EPHA6: variants seen among roughly 807,000 people sequenced by gnomAD.
EPHA6 encodes EPH receptor A6.
EPHA6 carries 50 observed loss-of-function variants against 112.0 expected under a neutral mutation model. The observed-to-expected ratio is 0.45, with a 90% CI of 0.36 to 0.56. The LOEUF is 0.56. Among genes scored for constraint, EPHA6 ranks in the 20% least tolerant of loss-of-function variants. The pLI, the probability that EPHA6 is intolerant of heterozygous loss-of-function variation, is 0.00. For synonymous variants in EPHA6, 529 were observed against 490.7 expected (o/e 1.08, Z -1.03); for missense variants, 1,280 against 1,417.4 (o/e 0.90, Z 1.56).
At chr3:97,040,983 T>C in intron 3 of EPHA6, among the ~76,000 whole-genome samples, 1 of 152,222 alleles carries the variant, frequency 6.6e-6, no homozygotes, top group East Asian at 1.9e-4. Context: ...TTTCATTTAT[T>C]TTCTTCCTCC....
intron 7 of EPHA6, among the ~76,000 whole-genome samples, chr3:97,462,148 C>T (rs1402262991): frequency 6.6e-6 from 1 of 152,104 alleles, no homozygotes; most frequent in Non-Finnish European, 1.5e-5. Context: ...AGTTAATTAG[C>T]CTTTTTGTGC....
chr3:97,586,112 A>G (rs1041462568), intron 11 of EPHA6, among the ~76,000 whole-genome samples: 1 of 152,108 alleles, frequency 6.6e-6, no homozygotes, highest in Non-Finnish European at 1.5e-5. Context: ...GTCACTTTTC[A>G]TTTGATCATT....
intron 7 of EPHA6, among the ~76,000 whole-genome samples, chr3:97,453,305 T>A (rs902106607): frequency 3.3e-5 from 5 of 151,688 alleles, no homozygotes; most frequent in Non-Finnish European, 7.4e-5. Flanking sequence ...ATTGGCAATT[T>A]ACCTCTTCCA....
chr3:97,578,284 T>C (rs2093406190), intron 11 of EPHA6, among the ~76,000 whole-genome samples: 1 of 152,060 alleles, frequency 6.6e-6, no homozygotes, highest in Non-Finnish European at 1.5e-5. Flanking sequence ...CCCAAGATCC[T>C]TCGACATACT....
chr3:97,389,391 A>G (rs572733158), intron 5 of EPHA6, among the ~76,000 whole-genome samples: 3 of 152,272 alleles, frequency 2.0e-5, no homozygotes, highest in African/African-American at 4.8e-5. Context: ...TCATTTTTCA[A>G]TAACTCCCTT....
chr3:97,610,320 G>T (rs939849863), intron 12 of EPHA6, among the ~76,000 whole-genome samples: 6 of 151,584 alleles, frequency 4.0e-5, no homozygotes, highest in Non-Finnish European at 7.4e-5. Context: ...GAGAATTTAT[G>T]AGTTTCTCCT....
rs2080994727 is a variant in EPHA6, at chr3:97,299,198, T to C, written c.1606+54911T>C. ...GATGATCAGGATGTGTGTGTGTGTG[T>C]GTGTGTGTGTGTGTAGGGGGGAGTG... On this transcript the variant is annotated intron_variant, in intron 5 of 17. Transcript: ENST00000389672. 2.0e-5 allele frequency among the ~76,000 whole-genome samples: 3 copies of C among 150,818 alleles called. No individual in the cohort carries two copies. In the South Asian group the frequency reaches 6.3e-4, roughly 32 times the overall value.
At chr3:97,711,108 A>G (rs1417008079) in intron 14 of EPHA6, among the ~76,000 whole-genome samples, 2 of 152,090 alleles carry the variant, frequency 1.3e-5, no homozygotes, top group Non-Finnish European at 2.9e-5. Context: ...TCGTGGGAGT[A>G]AGTCTTTCCC....
intron 14 of EPHA6, among the ~76,000 whole-genome samples, chr3:97,682,373 G>A (rs1560262157): frequency 6.6e-6 from 1 of 152,076 alleles, no homozygotes; most frequent in Non-Finnish European, 1.5e-5. Context: ...TGATTTAAAT[G>A]AAGTAAATAA....
chr3:97,517,092 G>T (rs1238474787), intron 10 of EPHA6, among the ~76,000 whole-genome samples: 1 of 152,120 alleles, frequency 6.6e-6, no homozygotes, highest in Non-Finnish European at 1.5e-5. Context: ...ATCGGCGGAA[G>T]TGTTGAAATG....
At chr3:97,228,562 A>T (rs1388979156) in intron 4 of EPHA6, among the ~76,000 whole-genome samples, 1 of 150,200 alleles carries the variant, frequency 6.7e-6, no homozygotes, top group Non-Finnish European at 1.5e-5. Flanking sequence ...TATATAATGT[A>T]AATGTCATAT....
chr3:97,523,639 ATACTAT>A (rs1259187880), intron 10 of EPHA6, among the ~76,000 whole-genome samples: 3 of 152,132 alleles, frequency 2.0e-5, no homozygotes, highest in Admixed American at 6.6e-5. Context: ...TTACTGTATT[ATACTAT>A]TACTATTACT....
chr3:96,815,115 T>A, intron 1 of EPHA6, 107 bp downstream of exon 1: 1 of 1,126,998 alleles, frequency 8.9e-7, no homozygotes, highest in Non-Finnish European at 1.2e-6. Flanking sequence ...GGTCAGAGTC[T>A]CCTGGCTCGC....
At chr3:97,703,425 C>T (rs1009085920) in intron 14 of EPHA6, among the ~76,000 whole-genome samples, 5 of 152,132 alleles carry the variant, frequency 3.3e-5, no homozygotes, top group African/African-American at 4.8e-5. Flanking sequence ...TCTCAGGGCT[C>T]TGCTTAAAGT....
chr3:97,540,009 T>G (rs2092826191), intron 11 of EPHA6, among the ~76,000 whole-genome samples: 1 of 151,778 alleles, frequency 6.6e-6, no homozygotes, highest in African/African-American at 2.4e-5. Flanking sequence ...GGGAAAGAGT[T>G]ATAGGATGAA....
chr3:97,589,487 G>C (rs879275365), intron 11 of EPHA6, among the ~76,000 whole-genome samples: 23 of 151,892 alleles, frequency 1.5e-4, no homozygotes, highest in Non-Finnish European at 2.4e-4. Flanking sequence ...CTTTACTAAC[G>C]TACAGTATTT....
chr3:96,960,758 C>T (rs1228208734), intron 2 of EPHA6, among the ~76,000 whole-genome samples: 1 of 152,118 alleles, frequency 6.6e-6, no homozygotes, highest in Non-Finnish European at 1.5e-5. Context: ...TATTTTTTAA[C>T]TCTTTTATTC....
intron 15 of EPHA6, among the ~76,000 whole-genome samples, chr3:97,723,069 A>T (rs1471376475): frequency 6.6e-6 from 1 of 152,194 alleles, no homozygotes; most frequent in Non-Finnish European, 1.5e-5. Context: ...AGAAATATTT[A>T]TTATATTTTT....
intron 10 of EPHA6, among the ~76,000 whole-genome samples, chr3:97,513,694 AG>A (rs1299263310): frequency 7.0e-6 from 1 of 142,626 alleles, no homozygotes; most frequent in Non-Finnish European, 1.5e-5. Flanking sequence ...GGAGTGGGGT[AG>A]GGGGTGAGGT....
Sources: allele counts gnomAD v4.1 joint callset (sites outside exome capture counted in the v4.1 genomes callset), GRCh38; gene constraint gnomAD v4.1.1; transcripts MANE v1.5; gene names NCBI Gene and HGNC (gene_info 2026-07-23, HGNC 2026-07-21).